The following ST7L variants were observed in gnomAD, a reference collection of about 807,000 sequenced individuals.
ST7L encodes the protein suppressor of tumorigenicity 7 protein-like.
In ST7L, 57 loss-of-function variants were observed where a neutral mutation model predicts 72.5. The ratio of observed to expected loss-of-function variants is 0.79; its 90% confidence interval spans 0.64 to 0.98. The LOEUF is 0.98. ST7L is among the 50% of genes least tolerant of loss of function. The probability of loss-of-function intolerance (pLI) is 0.00; values close to 1 mark genes in which losing one functional copy is unlikely to be tolerated. For missense variants in ST7L, 576 were observed against 672.2 expected, an observed-to-expected ratio of 0.86 and a Z score of 1.58; for synonymous variants, 221 against 240.9, an observed-to-expected ratio of 0.92 and a Z score of 0.77.
intron 3 of ST7L, among the ~76,000 whole-genome samples, chr1:112,604,696 G>A (rs939929538): frequency 2.0e-5 from 3 of 149,804 alleles, no homozygotes; most frequent in Non-Finnish European, 4.4e-5. Context: ...AGCTACTCAG[G>A]AGGCTGAGGC....
chr1:112,574,402 G>A (rs4839252), intron 11 of ST7L, among the ~76,000 whole-genome samples: 145,390 of 151,554 alleles, frequency 0.96, 69,960 homozygotes, highest in South Asian at 1. Flanking sequence ...GCTCACGCCT[G>A]TAATCCCAGC....
At chr1:112,522,134 A>C (rs1676417331), downstream of ST7L, 1 of 152,218 alleles carries the variant, frequency 6.6e-6, no homozygotes, top group Admixed American at 6.6e-5. Context: ...AGGCTCAAGC[A>C]ATCCTCCCAC....
rs1156574259 is a variant in ST7L, at chr1:112,584,096, C to G, written c.732G>C (p.Glu244Asp). ...DCATAYVLLAEEEATTIVDAE... is the reference protein window; with the variant it reads ...DCATAYVLLADEEATTIVDAE... ...CATCTACAATAGTTGTTGCTTCTTCCTCAGCCAGTAGAACATATGCAGTGG... is the reference window on the plus strand; with the variant it reads ...CATCTACAATAGTTGTTGCTTCTTCGTCAGCCAGTAGAACATATGCAGTGG... The change falls in exon 7 of 15, where the codon GAG becomes GAC. Residue 244 changes from glutamate (E) to aspartate (D), a missense_variant. Physicochemically the swap from Glu to Asp is conservative, Grantham distance 45. Transcript: ENST00000358039. The G allele has an allele frequency of 6.2e-7, 1 of 1,613,894 alleles. No homozygotes were observed. The highest frequency in any genetic ancestry group is 1.1e-5 in the South Asian group (1 of 91,058).
chr1:112,585,269 C>G (rs183300044), intron 6 of ST7L, among the ~76,000 whole-genome samples: 1 of 152,148 alleles, frequency 6.6e-6, no homozygotes, highest in Admixed American at 6.5e-5. Flanking sequence ...TTATCTAAGA[C>G]GGCACTGTCC....
At chr1:112,586,551 G>A (rs1242346036) in intron 6 of ST7L, among the ~76,000 whole-genome samples, 3 of 151,996 alleles carry the variant, frequency 2.0e-5, no homozygotes, top group African/African-American at 7.3e-5. Context: ...AGACCTAGAT[G>A]GGTATAAATC....
At chr1:112,521,133 CTCTT>C (rs1652846626), downstream of ST7L, 1 of 153,182 alleles carries the variant, frequency 6.5e-6, no homozygotes, top group South Asian at 2.1e-4. Flanking sequence ...CATTCATTCT[CTCTT>C]TTTCTCTCTA....
At chr1:112,591,975 GT>G (rs1227253022) in intron 5 of ST7L, among the ~76,000 whole-genome samples, 1 of 151,556 alleles carries the variant, frequency 6.6e-6, no homozygotes, top group Non-Finnish European at 1.5e-5. Flanking sequence ...TTCTGAAAAG[GT>G]TTTATGGAAC....
chr1:112,607,194 T>C (rs1668379316), intron 3 of ST7L: 1 of 152,062 alleles, frequency 6.6e-6, no homozygotes, highest in Non-Finnish European at 1.5e-5. Context: ...AGAGAGTATG[T>C]ACTAGAAGGG....
intron 11 of ST7L, 121 bp from the exon 12 acceptor site, chr1:112,556,139 A>T (rs1659083216): frequency 1.3e-6 from 1 of 761,686 alleles, no homozygotes; most frequent in Non-Finnish European, 1.9e-6. Flanking sequence ...ACTGATTTTT[A>T]AAAAACTAAC....
At chr1:112,550,418 A>C (rs1414476985) in intron 13 of ST7L, among the ~76,000 whole-genome samples, 183 bp downstream of exon 13, 1 of 152,176 alleles carries the variant, frequency 6.6e-6, no homozygotes, top group African/African-American at 2.4e-5. Flanking sequence ...TCTAGCACAG[A>C]GTTTTGCTCA....
chr1:112,533,594 G>A (rs557751658), intron 14 of ST7L, among the ~76,000 whole-genome samples: 2 of 152,062 alleles, frequency 1.3e-5, no homozygotes, highest in African/African-American at 4.8e-5. Flanking sequence ...GATTACAGGC[G>A]TGAACCACCA....
At chr1:112,609,908 T>C (rs1444520857) in intron 3 of ST7L, among the ~76,000 whole-genome samples, 2 of 152,204 alleles carry the variant, frequency 1.3e-5, no homozygotes, top group African/African-American at 2.4e-5. Context: ...TATCCATCCA[T>C]GAAGAGCTGA....
At chr1:112,595,547 A>G (rs369043380) in intron 5 of ST7L, among the ~76,000 whole-genome samples, 4 of 151,980 alleles carry the variant, frequency 2.6e-5, no homozygotes, top group African/African-American at 7.3e-5. Context: ...CAGCCTCTCA[A>G]GTAGCTGGGA....
intron 7 of ST7L, among the ~76,000 whole-genome samples, chr1:112,583,133 A>T (rs1481294065): frequency 1.3e-5 from 2 of 152,242 alleles, no homozygotes; most frequent in Non-Finnish European, 2.9e-5. Flanking sequence ...AAAACTGTGC[A>T]TTAATGAAAC....
intron 11 of ST7L, among the ~76,000 whole-genome samples, chr1:112,569,201 C>T (rs1263466804): frequency 3.3e-5 from 5 of 152,174 alleles, no homozygotes; most frequent in African/African-American, 1.2e-4. Flanking sequence ...TGCGATCTAC[C>T]AGTTCCACTT....
intron 14 of ST7L, among the ~76,000 whole-genome samples, chr1:112,531,202 A>C (rs926146456): frequency 1.3e-5 from 2 of 152,226 alleles, no homozygotes; most frequent in African/African-American, 4.8e-5. Context: ...TTAATCTGTC[A>C]TTATTAGGAA....
rs60106072 is a variant in ST7L at position 112,556,966 on chromosome 1, C to CAAAA, written c.1246-952_1246-949dup. ...CTGGCGACAGAGCGAGACTCTGTCT[C>CAAAA]AAAAAAAAAAAAAAAAAACAAAAAA... On this transcript the variant is annotated intron_variant, in intron 11 of 14. Transcript: ENST00000358039. 3.4e-3 allele frequency among the ~76,000 whole-genome samples: 169 copies of CAAAA among 49,518 alleles called. 9 individuals are homozygous for CAAAA. Among genetic ancestry groups the CAAAA allele is most frequent in the Middle Eastern group, 0.019 (1 of 54 alleles). The allele number at this position is 49,518 out of a possible 152,430, so 32.5% of individuals were successfully genotyped here.
intron 14 of ST7L, chr1:112,539,104 T>C (rs766218557): frequency 1.6e-4 from 25 of 152,274 alleles, no homozygotes; most frequent in Non-Finnish European, 3.1e-4. Flanking sequence ...ATTCCTCTTA[T>C]TGGGGGTAGA....
chr1:112,599,601 T>A (rs1037362259), intron 4 of ST7L, among the ~76,000 whole-genome samples: 2 of 152,194 alleles, frequency 1.3e-5, no homozygotes, highest in African/African-American at 4.8e-5. Context: ...GAAGCGGCAA[T>A]ATGAAGTCAA....
Sources: gnomAD v4.1 joint callset for allele counts (sites outside exome capture counted in the v4.1 genomes callset) on GRCh38, gnomAD v4.1.1 for gene constraint, MANE v1.5 for transcripts, NCBI Gene and HGNC (gene_info 2026-07-23, HGNC 2026-07-21) for gene names.